The following GUCY1A1 variants were observed in gnomAD, a reference collection of about 807,000 sequenced individuals.
GUCY1A1 encodes guanylate cyclase 1 soluble subunit alpha 1, also known as guanylate cyclase soluble subunit alpha-1.
Under a neutral mutation model 64.5 loss-of-function variants are expected in GUCY1A1, and 48 were observed. The ratio of observed to expected loss-of-function variants is 0.74; its 90% confidence interval spans 0.59 to 0.95. GUCY1A1 has a LOEUF of 0.95. GUCY1A1 is among the 40% of genes least tolerant of loss of function. The pLI is 0.00. For missense variants in GUCY1A1, 804 were observed against 825.3 expected (o/e 0.97, Z 0.32); for synonymous variants, 308 against 303.4 (o/e 1.02, Z -0.16).
chr4:155,720,630 G>C (rs955954356), intron 8 of GUCY1A1, among the ~76,000 whole-genome samples: 7 of 152,094 alleles, frequency 4.6e-5, no homozygotes, highest in Non-Finnish European at 1.0e-4. Context: ...GCTTTTGTTT[G>C]AAAATTTTGT....
chr4:155,729,433 A>G (rs1237749904), intron 9 of GUCY1A1, among the ~76,000 whole-genome samples: 1 of 151,858 alleles, frequency 6.6e-6, no homozygotes, highest in Non-Finnish European at 1.5e-5. Context: ...CAGGAGAAAA[A>G]ATATTGCTAA....
chr4:155,717,369 C>A, intron 8 of GUCY1A1, 67 bp downstream of exon 8: 1 of 1,189,224 alleles, frequency 8.4e-7, no homozygotes, highest in Admixed American at 2.9e-5. Context: ...ATTACCAAAA[C>A]CATGGTGTAT....
At chr4:155,670,265 C>G (rs760562066) in intron 2 of GUCY1A1, among the ~76,000 whole-genome samples, 9 of 152,062 alleles carry the variant, frequency 5.9e-5, no homozygotes, top group Non-Finnish European at 1.3e-4. Flanking sequence ...AATTTTTTCC[C>G]CAAAGTATTA....
rs548749726 is a variant in GUCY1A1, at chr4:155,702,492, C to G, written c.256-1440C>G. Among the ~76,000 whole-genome samples the G allele has an allele frequency of 2.1e-4, 32 of 152,224 alleles. 1 individual carries two copies. The highest frequency in any genetic ancestry group is 3.4e-3 in the Middle Eastern group (1 of 292). On this transcript the variant is annotated intron_variant, in intron 3 of 9. Coordinates refer to ENST00000506455, the MANE Select transcript of GUCY1A1 (RefSeq NM_001130682.3). ...GAGAAAGATGTCTAGGAAATATGCC[C>G]ATAGTTTCTTTCTTGAACATGTTTC...
At chr4:155,729,161 C>T (rs1042677147) in intron 9 of GUCY1A1, among the ~76,000 whole-genome samples, 3 of 151,632 alleles carry the variant, frequency 2.0e-5, no homozygotes, top group South Asian at 2.1e-4. Context: ...AGTAGAAGAC[C>T]ATGGTCTGTT....
chr4:155,682,235 G>C (rs150169621), intron 2 of GUCY1A1, among the ~76,000 whole-genome samples: 2 of 151,800 alleles, frequency 1.3e-5, no homozygotes, highest in Admixed American at 1.3e-4. Context: ...CTCAAATTCT[G>C]TACATTCCAA....
intron 8 of GUCY1A1, among the ~76,000 whole-genome samples, chr4:155,718,509 A>G (rs752343295): frequency 6.6e-6 from 1 of 152,098 alleles, no homozygotes; most frequent in Non-Finnish European, 1.5e-5. Flanking sequence ...TGTGCTCTAC[A>G]ATCTATGGGA....
intron 9 of GUCY1A1, 78 bp downstream of exon 9, chr4:155,722,270 A>G (rs1560965467): frequency 1.7e-5 from 26 of 1,528,922 alleles, no homozygotes; most frequent in Non-Finnish European, 2.1e-5. Flanking sequence ...GATTTGATTC[A>G]TTCTTCATAA....
At chr4:155,687,186 T>G (rs17388219) in intron 2 of GUCY1A1, among the ~76,000 whole-genome samples, 14,804 of 152,216 alleles carry the variant, frequency 0.097, 748 homozygotes, top group Middle Eastern at 0.15. Context: ...TCTTGTAGTA[T>G]GCAATGAGCA....
intron 6 of GUCY1A1, among the ~76,000 whole-genome samples, chr4:155,712,413 G>A (rs576256320): frequency 6.4e-4 from 98 of 152,238 alleles, no homozygotes; most frequent in African/African-American, 2.2e-3. Flanking sequence ...TATTTAACTA[G>A]TACCCTACTG....
rs1196687498 is a variant in GUCY1A1, at chr4:155,696,863, A to G, written c.-5A>G. On this transcript the variant is annotated 5_prime_UTR_variant, in exon 3 of 10. Transcript: ENST00000506455. ...GATCGCAGCAGGGTAAGAGACACCAACACCATGTTCTGCACGAAGCTCAAG... is the reference window on the plus strand; with the variant it reads ...GATCGCAGCAGGGTAAGAGACACCAGCACCATGTTCTGCACGAAGCTCAAG... 2.5e-6 allele frequency: 4 copies of G among 1,613,248 alleles called. No homozygotes were observed. The highest frequency in any genetic ancestry group is 3.4e-6 in the Non-Finnish European group (4 of 1,179,446).
chr4:155,670,922 A>G (rs1734063043), intron 2 of GUCY1A1, among the ~76,000 whole-genome samples: 1 of 152,088 alleles, frequency 6.6e-6, no homozygotes, highest in Non-Finnish European at 1.5e-5. Flanking sequence ...GGGCAGACCC[A>G]TTTCTTAATC....
At chr4:155,722,444 C>G (rs746101475) in intron 9 of GUCY1A1, 238 of 1,296,404 alleles carry the variant, frequency 1.8e-4, no homozygotes, top group Non-Finnish European at 2.2e-4. Context: ...TTCCATCATT[C>G]TTCTTTTAGA....
chr4:155,713,731 A>G, intron 7 of GUCY1A1, 148 bp downstream of exon 7: 1 of 747,476 alleles, frequency 1.3e-6, no homozygotes, highest in Non-Finnish European at 2.2e-6. Flanking sequence ...TGGTGCATTC[A>G]TTATGTGGGT....
At chr4:155,680,736 C>T (rs1291266780) in intron 2 of GUCY1A1, among the ~76,000 whole-genome samples, 3 of 151,848 alleles carry the variant, frequency 2.0e-5, no homozygotes, top group Admixed American at 6.6e-5. Context: ...ATATATTTAC[C>T]ATTTATTAAG....
intron 7 of GUCY1A1, among the ~76,000 whole-genome samples, chr4:155,714,033 AAAATTGCCTTT>A (rs1732926393): frequency 6.6e-6 from 1 of 152,206 alleles, no homozygotes; most frequent in Non-Finnish European, 1.5e-5. Context: ...GAGGATTATA[AAAATTGCCTTT>A]AAATAGATTA....
intron 2 of GUCY1A1, among the ~76,000 whole-genome samples, chr4:155,674,918 GC>G (rs1194596887): frequency 6.6e-6 from 1 of 151,504 alleles, no homozygotes; most frequent in African/African-American, 2.5e-5. Context: ...TATGTACTAT[GC>G]TTTTTATATG....
At chr4:155,722,386 G>A (rs1734083754) in intron 9 of GUCY1A1, 194 bp downstream of exon 9, 1 of 1,398,216 alleles carries the variant, frequency 7.2e-7, no homozygotes, top group African/African-American at 1.5e-5. Context: ...TGACTTGCCT[G>A]AGGTGTTTGT....
At chr4:155,674,244 A>G (rs1354153212) in intron 2 of GUCY1A1, among the ~76,000 whole-genome samples, 1 of 151,230 alleles carries the variant, frequency 6.6e-6, no homozygotes, top group Non-Finnish European at 1.5e-5. Context: ...AATCCCAGCT[A>G]TTCGGGAGGC....
Sources: gnomAD v4.1 joint callset for allele counts (sites outside exome capture counted in the v4.1 genomes callset) on GRCh38, gnomAD v4.1.1 for gene constraint, MANE v1.5 for transcripts, NCBI Gene and HGNC (gene_info 2026-07-23, HGNC 2026-07-21) for gene names.